Variants in TACC2 observed in about 807,000 individuals in gnomAD.
TACC2 encodes the protein transforming acidic coiled-coil containing protein 2.
A neutral mutation model predicts 227.3 loss-of-function variants in TACC2; 137 were observed. The observed-to-expected ratio is 0.60, with a 90% CI of 0.52 to 0.69. The LOEUF (loss-of-function observed/expected upper bound fraction) is 0.69, where lower values mean the gene tolerates loss of function less well. Among genes scored for constraint, TACC2 ranks in the 30% least tolerant of loss-of-function variants. TACC2 has a pLI of 0.00. For missense variants in TACC2, 3,470 were observed against 3,694.4 expected (o/e 0.94, Z 1.57); for synonymous variants, 1,523 against 1,487.5 (o/e 1.02, Z -0.55).
chr10:122,093,562 C>T (rs559287130), intron 5 of TACC2, among the ~76,000 whole-genome samples: 6 of 152,314 alleles, frequency 3.9e-5, no homozygotes, highest in African/African-American at 7.2e-5. Flanking sequence ...CATAGGAAAT[C>T]GACACTTGGT....
chr10:122,116,792 C>T (rs538702389), intron 5 of TACC2, among the ~76,000 whole-genome samples: 2 of 152,242 alleles, frequency 1.3e-5, no homozygotes, highest in South Asian at 2.1e-4. Context: ...TACTATGAAA[C>T]GCAGTTCTTC....
At chr10:122,022,216 A>G (rs1957418643) in intron 2 of TACC2, 3 of 550,834 alleles carry the variant, frequency 5.4e-6, no homozygotes, top group Non-Finnish European at 9.7e-6. Flanking sequence ...GCTCTAGTTA[A>G]AGCCGGAAAC....
chr10:122,131,714 C>A (rs974311615), intron 5 of TACC2, among the ~76,000 whole-genome samples: 1 of 152,088 alleles, frequency 6.6e-6, no homozygotes, highest in Non-Finnish European at 1.5e-5. Flanking sequence ...CAGACATGAA[C>A]GTAGTCTATC....
chr10:122,193,052 C>CTAA (rs1379743041), intron 7 of TACC2, among the ~76,000 whole-genome samples: 2 of 152,210 alleles, frequency 1.3e-5, no homozygotes, highest in Non-Finnish European at 2.9e-5. Context: ...TAGACAAAAG[C>CTAA]TAAGCCCTTT....
At chr10:122,052,754 A>G (rs955510927) in intron 3 of TACC2, 3 of 151,942 alleles carry the variant, frequency 2.0e-5, no homozygotes, top group African/African-American at 7.2e-5. Context: ...TTCACAATTA[A>G]AAACATGATT....
intron 3 of TACC2, among the ~76,000 whole-genome samples, chr10:122,054,025 C>T (rs1395545608): frequency 6.6e-6 from 1 of 152,220 alleles, no homozygotes; most frequent in Non-Finnish European, 1.5e-5. Flanking sequence ...ATCATCTCCA[C>T]TCTACAGATG....
intron 1 of TACC2, among the ~76,000 whole-genome samples, chr10:122,003,182 A>G (rs1167469826): frequency 1.3e-5 from 2 of 152,120 alleles, no homozygotes; most frequent in Non-Finnish European, 2.9e-5. Flanking sequence ...CCTAGCCTAG[A>G]CGACAAAGCA....
intron 8 of TACC2, among the ~76,000 whole-genome samples, chr10:122,202,436 CTGAT>C (rs1302836779): frequency 1.3e-4 from 19 of 141,990 alleles, no homozygotes; most frequent in Admixed American, 5.8e-4. Flanking sequence ...AAGAGGTCCT[CTGAT>C]TGTTCTTTAT....
chr10:122,115,568 A>G (rs1565342803), intron 5 of TACC2, among the ~76,000 whole-genome samples: 1 of 152,232 alleles, frequency 6.6e-6, no homozygotes, highest in South Asian at 2.1e-4. Flanking sequence ...CCCAATGCCA[A>G]TAGCATCTCA....
chr10:122,195,262 C>T (rs370528746), intron 8 of TACC2, 86 bp downstream of exon 8: 9 of 1,281,542 alleles, frequency 7.0e-6, no homozygotes, highest in South Asian at 1.5e-5. Context: ...CTGGGTCAGG[C>T]TGGAGGCGAG....
chr10:122,165,059 T>C (rs570516790), intron 7 of TACC2, among the ~76,000 whole-genome samples: 2 of 152,276 alleles, frequency 1.3e-5, no homozygotes, highest in Admixed American at 1.3e-4. Context: ...TCCAGCTCTT[T>C]AGCAGGGAGT....
At chr10:122,094,387 C>A (rs2081150610) in intron 5 of TACC2, among the ~76,000 whole-genome samples, 2 of 152,072 alleles carry the variant, frequency 1.3e-5, no homozygotes, top group East Asian at 3.9e-4. Context: ...AGCAACTCTC[C>A]AGCCTCCGTG....
chr10:122,203,425 C>T (rs879810006), intron 8 of TACC2, among the ~76,000 whole-genome samples: 2 of 150,520 alleles, frequency 1.3e-5, no homozygotes, highest in African/African-American at 4.9e-5. Flanking sequence ...GCTGACCCCC[C>T]CACCTCCCTC....
intron 7 of TACC2, among the ~76,000 whole-genome samples, chr10:122,172,526 T>C (rs1157913848): frequency 1.3e-5 from 2 of 152,240 alleles, no homozygotes; most frequent in Non-Finnish European, 2.9e-5. Flanking sequence ...TGTTCTGCGT[T>C]AAAGGGAGGC....
rs1029661399 is a variant in TACC2 at position 122,210,561 on chromosome 10, G to A, written c.6136G>A (p.Val2046Met). Residue 2046 changes from valine to methionine, a missense_variant, in exon 9 of 23, where the codon GTG (valine) becomes ATG (methionine). Physicochemically the swap from Val to Met is conservative, Grantham distance 21. Around this residue, in one of 10 missense-constraint regions of TACC2, gnomAD observed 593 missense variants for 636.6 expected, o/e 0.93. Coordinates refer to ENST00000369005, the MANE Select transcript of TACC2 (RefSeq NM_206862.4). The surrounding 1 kb of genome is among the most constrained non-coding windows in gnomAD (Gnocchi z 4.6). ...CTTGGACTTTGACAACATTGAGCTT[G>A]TGGATACCTTTCAGACCTTGGAGCC... ...YNLDFDNIEL[V>M]DTFQTLEPRA... 6.2e-7 allele frequency: 1 copy of A among 1,614,144 alleles called. No homozygotes were observed. Among genetic ancestry groups the A allele is most frequent in the Admixed American group, 1.7e-5 (1 of 60,024 alleles).
Position 122,195,037 on chromosome 10 carries a change from C to T in TACC2, c.5835-3C>T. On this transcript the variant is annotated splice_polypyrimidine_tract_variant and splice_region_variant and intron_variant, in intron 7 of 22. Transcript: ENST00000369005. ...TAACCTGTGCTTCTCCCTCTCTCATCAGGAGTTCCGATTCTGAAGAGGCAT... is the reference window on the plus strand; with the variant it reads ...TAACCTGTGCTTCTCCCTCTCTCATTAGGAGTTCCGATTCTGAAGAGGCAT... 2 of 1,609,692 alleles carry T rather than the reference C, an allele frequency of 1.2e-6. No individual in the cohort carries two copies. The highest frequency in any genetic ancestry group is 1.7e-6 in the Non-Finnish European group (2 of 1,177,432).
At chr10:122,135,652 C>T (rs754523507) in intron 6 of TACC2, among the ~76,000 whole-genome samples, 52 of 152,198 alleles carry the variant, frequency 3.4e-4, no homozygotes, top group Non-Finnish European at 6.6e-4. Context: ...AAAATACAGT[C>T]GATCCTCGTT....
At chr10:122,248,954 GGGT>G in intron 20 of TACC2, 93 bp from the exon 21 acceptor site, 1 of 1,486,084 alleles carries the variant, frequency 6.7e-7, no homozygotes, top group Non-Finnish European at 9.3e-7. Context: ...TGGCCGCCTG[GGGT>G]TACACCTGCA....
chr10:122,164,244 G>A (rs1447828143), intron 7 of TACC2, among the ~76,000 whole-genome samples: 3 of 152,220 alleles, frequency 2.0e-5, no homozygotes, highest in Non-Finnish European at 4.4e-5. Flanking sequence ...CATGGCTGGG[G>A]GGCTTCTCCT....
Sources: gnomAD v4.1 joint callset for allele counts (sites outside exome capture counted in the v4.1 genomes callset) on GRCh38, gnomAD v4.1.1 for gene constraint, gnomAD v4.1.1 regional missense constraint, Gnocchi (gnomAD v3.1) non-coding constraint, MANE v1.5 for transcripts, NCBI Gene and HGNC (gene_info 2026-07-23, HGNC 2026-07-21) for gene names.